The following SLC25A44 variants were observed in gnomAD, a reference collection of about 807,000 sequenced individuals.
The protein encoded by SLC25A44 is solute carrier family 25 member 44.
A neutral mutation model predicts 29.9 loss-of-function variants in SLC25A44; 17 were observed. That is an observed-to-expected ratio of 0.57 (90% CI 0.39 to 0.85). SLC25A44 has a LOEUF of 0.85. SLC25A44 is among the 40% of genes least tolerant of loss of function. The probability of loss-of-function intolerance (pLI) is 0.00; values close to 1 mark genes in which losing one functional copy is unlikely to be tolerated. For synonymous variants in SLC25A44, 140 were observed against 151.8 expected (o/e 0.92, Z 0.57); for missense variants, 302 against 398.4 (o/e 0.76, Z 2.06).
At position 156,212,152 on chromosome 1, in the gene SLC25A44, TC is replaced by T. The variant is rs377240566; in HGVS notation, c.*1723del. ...TGGACCCACGGATCATTCTGAATCTTCCTGCCCCTCCTCACTGCTTAACCCT... is the reference window on the plus strand; with the variant it reads ...TGGACCCACGGATCATTCTGAATCTTCTGCCCCTCCTCACTGCTTAACCCT... On this transcript the variant is annotated 3_prime_UTR_variant, in exon 4 of 4. Transcript: ENST00000359511. The T allele has an allele frequency of 5.0e-4, 76 of 152,700 alleles. 2 individuals are homozygous for T. The highest frequency in any genetic ancestry group is 1.8e-3 in the African/African-American group (74 of 41,554). The allele number at this position is 152,700 out of a possible 1,614,324, so 9.5% of individuals were successfully genotyped here.
intron 2 of SLC25A44, among the ~76,000 whole-genome samples, chr1:156,207,278 T>C (rs1009025648): frequency 5.3e-5 from 8 of 151,470 alleles, no homozygotes; most frequent in Admixed American, 1.3e-4. Context: ...CCCAGGTTCA[T>C]GCCATTCTCC....
chr1:156,194,423 C>G (rs574166311), intron 1 of SLC25A44, among the ~76,000 whole-genome samples, 176 bp downstream of exon 1: 50 of 152,278 alleles, frequency 3.3e-4, no homozygotes, highest in South Asian at 1.4e-3. Flanking sequence ...TCGCTGACAG[C>G]GAAGAAGCAC....
rs1047817321 is a variant in SLC25A44 at position 156,211,880 on chromosome 1, A to G, written c.*1449A>G. 6.5e-6 allele frequency: 1 copy of G among 152,810 alleles called. No individual in the cohort carries two copies. The highest frequency in any genetic ancestry group is 2.4e-5 in the African/African-American group (1 of 41,460). The allele number at this position is 152,810 out of a possible 1,614,324, so 9.5% of individuals were successfully genotyped here. A position where few individuals can be genotyped will look rare whatever the true frequency, so the allele number is the denominator to read the frequency against. ...TTGGTCCCACCCCCTGGGAAAGGCC[A>G]TGGTGCCAGTTTGAAAGGTGCTAGC... On this transcript the variant is annotated 3_prime_UTR_variant, in exon 4 of 4. Coordinates refer to ENST00000359511, the MANE Select transcript of SLC25A44 (RefSeq NM_014655.4).
intron 3 of SLC25A44, among the ~76,000 whole-genome samples, chr1:156,208,746 C>T (rs1657114519): frequency 6.6e-6 from 1 of 152,118 alleles, no homozygotes; most frequent in African/African-American, 2.4e-5. Flanking sequence ...GCCATAAGTT[C>T]TCTGTGGATT....
At chr1:156,206,219 A>G (rs895703074) in intron 2 of SLC25A44, among the ~76,000 whole-genome samples, 4 of 150,942 alleles carry the variant, frequency 2.7e-5, no homozygotes, top group Non-Finnish European at 4.4e-5. Context: ...CAGTGTCACT[A>G]GTTTTTATTT....
At chr1:156,204,496 G>A (rs1307362233) in intron 2 of SLC25A44, among the ~76,000 whole-genome samples, 2 of 151,862 alleles carry the variant, frequency 1.3e-5, no homozygotes, top group South Asian at 4.2e-4. Flanking sequence ...TGGTTTTTTT[G>A]TTTGTTTCAA....
chr1:156,195,230 G>A (rs546460095), intron 1 of SLC25A44, among the ~76,000 whole-genome samples: 125 of 151,872 alleles, frequency 8.2e-4, no homozygotes, highest in Admixed American at 2.4e-3. Context: ...CAGCCTCCCG[G>A]GTAGCTGGGA....
chr1:156,208,142 T>C, intron 3 of SLC25A44, 129 bp downstream of exon 3: 1 of 769,960 alleles, frequency 1.3e-6, no homozygotes, highest in Non-Finnish European at 2.1e-6. Context: ...CTCCTGAACA[T>C]CTAAGCCCCT....
chr1:156,210,372 T>TTC lies in SLC25A44; in HGVS notation c.886_887insTC (p.Tyr296PhefsTer66). ...TTCCACCATTGTCATTGTGGTGGGC[T>TTC]ATGAGAGCCTCAAGAAACTCAGCCT... is the stretch of plus-strand genomic sequence containing the variant. On this transcript the variant is annotated frameshift_variant, in exon 4 of 4. Transcript: ENST00000359511. LOFTEE classifies it high-confidence loss of function. 6.2e-7 allele frequency: 1 copy of TTC among 1,605,988 alleles called. No individual in the cohort carries two copies. Among genetic ancestry groups the TTC allele is most frequent in the Admixed American group, 1.7e-5 (1 of 58,516 alleles).
rs1465621880 is a variant in SLC25A44, at chr1:156,198,141, G to A, written c.-13-1694G>A. 1 of 152,032 alleles carries A rather than the reference G, an allele frequency of 6.6e-6. No homozygotes were observed. Among genetic ancestry groups the A allele is most frequent in the Non-Finnish European group, 1.5e-5 (1 of 68,006 alleles). 9.4% of individuals were successfully genotyped at this position (152,032 alleles called of 1,614,324 possible). On this transcript the variant is annotated intron_variant, in intron 1 of 3. Coordinates refer to ENST00000359511, the MANE Select transcript of SLC25A44 (RefSeq NM_014655.4). This position sits in a 1 kb window ranked among gnomAD's most constrained non-coding sequence, Gnocchi z 4.1. ...GTGATGTGGCTACCTCCTTTCTCTG[G>A]GATTTCTCTTAAAGTCTGGGGAGCC... is the stretch of plus-strand genomic sequence containing the variant.
At chr1:156,195,566 G>A (rs547897196) in intron 1 of SLC25A44, among the ~76,000 whole-genome samples, 26 of 152,314 alleles carry the variant, frequency 1.7e-4, no homozygotes, top group Admixed American at 9.1e-4. Context: ...AGGAAGATGC[G>A]ACCAGCGGAC....
intron 1 of SLC25A44, chr1:156,196,797 G>A (rs1038955641): frequency 2.0e-5 from 3 of 152,230 alleles, no homozygotes; most frequent in African/African-American, 7.2e-5. Flanking sequence ...CATCTGCATG[G>A]CCAGGAGCTT....
At position 156,208,089 on chromosome 1, in the gene SLC25A44, C is replaced by A. The variant is rs1272982968; in HGVS notation, c.753+76C>A. Reference sequence around the variant, plus strand: ...ATGACCTTCAAGCCCTCCAGTGTTGCCCTGACCTCTTTGTGTCCTGGCCCT... The same window carrying A: ...ATGACCTTCAAGCCCTCCAGTGTTGACCTGACCTCTTTGTGTCCTGGCCCT... On this transcript the variant is annotated intron_variant, in intron 3 of 3. Transcript: ENST00000359511. The A allele has an allele frequency of 1.0e-5, 14 of 1,334,746 alleles. No homozygotes were observed. The East Asian group carries it at 2.3e-4, about 22-fold the overall frequency. The allele number at this position is 1,334,746 out of a possible 1,614,324, so 82.7% of individuals were successfully genotyped here.
chr1:156,208,025 C>A lies in SLC25A44; in HGVS notation c.753+12C>A, dbSNP rs778988963. 1.2e-6 allele frequency: 2 copies of A among 1,612,694 alleles called. No homozygotes were observed. Among genetic ancestry groups the A allele is most frequent in the South Asian group, 1.1e-5 (1 of 91,006 alleles). On this transcript the variant is annotated intron_variant, in intron 3 of 3. Coordinates refer to ENST00000359511, the MANE Select transcript of SLC25A44 (RefSeq NM_014655.4). ...GAACCCGTGTGCAGGTAAGACTGAC[C>A]ACTTCCCTCACCCTCCTCCTGGAGA...
rs1657256711 is a variant in SLC25A44, at chr1:156,210,874, T to A, written c.*443T>A. The A allele has an allele frequency of 6.6e-6, 1 of 152,430 alleles. No individual in the cohort carries two copies. Among genetic ancestry groups the A allele is most frequent in the Non-Finnish European group, 1.5e-5 (1 of 68,146 alleles). 9.4% of individuals were successfully genotyped at this position (152,430 alleles called of 1,614,324 possible). A position where few individuals can be genotyped will look rare whatever the true frequency, so the allele number is the denominator to read the frequency against. ...TCTCCCTTCATCTCTTAGCCTTGCT[T>A]ATTTTTATTTTGGGACCGAGCTGCC... is the stretch of plus-strand genomic sequence containing the variant. On this transcript the variant is annotated 3_prime_UTR_variant, in exon 4 of 4. Coordinates refer to ENST00000359511, the MANE Select transcript of SLC25A44 (RefSeq NM_014655.4).
intron 3 of SLC25A44, among the ~76,000 whole-genome samples, chr1:156,208,902 A>G (rs1312990209): frequency 1.3e-5 from 2 of 152,228 alleles, no homozygotes; most frequent in African/African-American, 4.8e-5. Flanking sequence ...GAATGATGAT[A>G]TGTAATATGC....
chr1:156,205,569 G>T (rs1167443198), intron 2 of SLC25A44, among the ~76,000 whole-genome samples: 1 of 152,068 alleles, frequency 6.6e-6, no homozygotes, highest in Non-Finnish European at 1.5e-5. Context: ...GGCTTGCACT[G>T]TCTCCTTCAG....
In SLC25A44 at chr1:156,200,551, G is replaced by A. The variant is rs1656502920; in HGVS notation, c.625+79G>A. 9.0e-6 allele frequency: 12 copies of A among 1,327,768 alleles called. No individual in the cohort carries two copies. The South Asian group carries it at 1.5e-4, about 17-fold the overall frequency. The allele number at this position is 1,327,768 out of a possible 1,614,324, so 82.2% of individuals were successfully genotyped here. A position where few individuals can be genotyped will look rare whatever the true frequency, so the allele number is the denominator to read the frequency against. ...AGATACTGTTGCTTTGTGCATGTTA[G>A]AGTGGAGGTGAGATTTAATGGGGGA... On this transcript the variant is annotated intron_variant, in intron 2 of 3. Coordinates refer to ENST00000359511, the MANE Select transcript of SLC25A44 (RefSeq NM_014655.4).
In SLC25A44 at chr1:156,210,200, G is replaced by T. The variant is rs762551775; in HGVS notation, c.754-40G>T. 21 of 1,435,638 alleles carry T rather than the reference G, an allele frequency of 1.5e-5. No homozygotes were observed. In the Admixed American group the frequency reaches 4.1e-4, roughly 28 times the overall value. 88.9% of individuals were successfully genotyped at this position (1,435,638 alleles called of 1,614,324 possible). Reference sequence around the variant, plus strand: ...GAGGGAGATTGAGCAGAGGGGCTCTGACTACAGACAATGGCCCTCCACTGT... The same window carrying T: ...GAGGGAGATTGAGCAGAGGGGCTCTTACTACAGACAATGGCCCTCCACTGT... On this transcript the variant is annotated intron_variant, in intron 3 of 3. Coordinates refer to ENST00000359511, the MANE Select transcript of SLC25A44 (RefSeq NM_014655.4).
Sources: allele counts gnomAD v4.1 joint callset (sites outside exome capture counted in the v4.1 genomes callset), GRCh38; gene constraint gnomAD v4.1.1; non-coding constraint Gnocchi (gnomAD v3.1); transcripts MANE v1.5; gene names NCBI Gene and HGNC (gene_info 2026-07-23, HGNC 2026-07-21).